RFX4: variants seen among roughly 807,000 people sequenced by gnomAD.
The protein encoded by RFX4 is transcription factor RFX4.
RFX4 carries 10 observed loss-of-function variants against 95.0 expected under a neutral mutation model. That is an observed-to-expected ratio of 0.11 (90% CI 0.06 to 0.18). The LOEUF is 0.18. Among genes scored for constraint, RFX4 ranks in the 10% least tolerant of loss-of-function variants. The probability of loss-of-function intolerance (pLI) is 1.00; values close to 1 mark genes in which losing one functional copy is unlikely to be tolerated. For synonymous variants in RFX4, 321 were observed against 340.7 expected (o/e 0.94, Z 0.64); for missense variants, 640 against 922.0 (o/e 0.69, Z 3.96).
intron 1 of RFX4, among the ~76,000 whole-genome samples, chr12:106,599,828 C>T (rs934813622): frequency 3.3e-5 from 5 of 152,050 alleles, no homozygotes; most frequent in Non-Finnish European, 7.4e-5. Flanking sequence ...CTGGTTTATG[C>T]ATGTGATCCT....
intron 4 of RFX4, among the ~76,000 whole-genome samples, chr12:106,664,188 G>A (rs932717660): frequency 6.6e-6 from 1 of 151,658 alleles, no homozygotes; most frequent in African/African-American, 2.4e-5. Context: ...ATCTGAACCT[G>A]GTGCTTTCTG....
intron 4 of RFX4, among the ~76,000 whole-genome samples, chr12:106,680,450 G>T (rs2041483527): frequency 6.6e-6 from 1 of 152,198 alleles, no homozygotes; most frequent in African/African-American, 2.4e-5. Context: ...AGGTTAAACA[G>T]TATGTCCCAG....
At chr12:106,617,803 T>G (rs1482048522) in intron 2 of RFX4, among the ~76,000 whole-genome samples, 2 of 152,350 alleles carry the variant, frequency 1.3e-5, no homozygotes, top group South Asian at 2.1e-4. Context: ...CTCAGCTCAC[T>G]GTAGCCTCTG....
intron 5 of RFX4, among the ~76,000 whole-genome samples, chr12:106,686,416 A>C (rs2041649323): frequency 6.6e-6 from 1 of 151,856 alleles, no homozygotes; most frequent in Non-Finnish European, 1.5e-5. Flanking sequence ...TGTCTCAAAA[A>C]AAAAAAAAAA....
At chr12:106,672,673 T>C (rs1379924663) in intron 4 of RFX4, among the ~76,000 whole-genome samples, 1 of 151,884 alleles carries the variant, frequency 6.6e-6, no homozygotes, top group Non-Finnish European at 1.5e-5. Context: ...TCGAACTAAA[T>C]TGTGCTGGGC....
chr12:106,750,643 G>A lies in RFX4; in HGVS notation c.1797-12G>A. The A allele has an allele frequency of 6.3e-7, 1 of 1,590,334 alleles. No homozygotes were observed. Among genetic ancestry groups the A allele is most frequent in the Non-Finnish European group, 8.6e-7 (1 of 1,169,170 alleles). On this transcript the variant is annotated splice_polypyrimidine_tract_variant and intron_variant, in intron 16 of 17. Transcript: ENST00000392842. ...ATTACTCACACTATTCAATGTGCTT[G>A]ATGCATTTTAGATACACGGGAAGCT...
chr12:106,583,244 C>T lies in RFX4; in HGVS notation c.-77C>T. The T allele has an allele frequency of 1.3e-6, 1 of 755,808 alleles. No homozygotes were observed. The highest frequency in any genetic ancestry group is 2.0e-6 in the Non-Finnish European group (1 of 497,058). 46.8% of individuals were successfully genotyped at this position (755,808 alleles called of 1,614,324 possible). A position where few individuals can be genotyped will look rare whatever the true frequency, so the allele number is the denominator to read the frequency against. ...CTTCTCCCTCCCTCCCTCCCTTCCT[C>T]CCTGGGCATCTCTAGCACAGGGGAT... On this transcript the variant is annotated 5_prime_UTR_variant, in exon 1 of 18. Coordinates refer to ENST00000392842, the MANE Select transcript of RFX4 (RefSeq NM_213594.3).
At chr12:106,673,210 A>G (rs4964480) in intron 4 of RFX4, among the ~76,000 whole-genome samples, 31,219 of 152,204 alleles carry the variant, frequency 0.21, 3,516 homozygotes, top group South Asian at 0.28. Flanking sequence ...GGGCTAGAAA[A>G]TAATGATAAC....
intron 17 of RFX4, among the ~76,000 whole-genome samples, chr12:106,760,629 G>A (rs1439766184): frequency 3.3e-5 from 5 of 152,254 alleles, no homozygotes; most frequent in East Asian, 1.9e-4. Flanking sequence ...AATAACCTTC[G>A]AAATTGTTGA....
At chr12:106,628,205 C>G (rs1371123974) in intron 2 of RFX4, among the ~76,000 whole-genome samples, 1 of 152,156 alleles carries the variant, frequency 6.6e-6, no homozygotes, top group Admixed American at 6.5e-5. Flanking sequence ...TTACCTTCCC[C>G]ACTCCTCTGG....
At chr12:106,731,031 A>G (rs2042602671) in intron 13 of RFX4, among the ~76,000 whole-genome samples, 1 of 152,114 alleles carries the variant, frequency 6.6e-6, no homozygotes, top group Non-Finnish European at 1.5e-5. Flanking sequence ...AGCAAACTAG[A>G]AGGAAATGGG....
intron 17 of RFX4, among the ~76,000 whole-genome samples, chr12:106,751,314 A>AT (rs1176485357): frequency 1.4e-5 from 2 of 141,226 alleles, no homozygotes; most frequent in Non-Finnish European, 1.5e-5. Context: ...TATGTGCCAC[A>AT]TTTTCTTAAT....
intron 6 of RFX4, among the ~76,000 whole-genome samples, chr12:106,687,824 C>A (rs1296668782): frequency 6.6e-6 from 1 of 152,112 alleles, no homozygotes; most frequent in Non-Finnish European, 1.5e-5. Flanking sequence ...TACCTACCTA[C>A]CTGTCCTATG....
At chr12:106,723,680 C>G (rs1394723814) in intron 13 of RFX4, among the ~76,000 whole-genome samples, 1 of 152,190 alleles carries the variant, frequency 6.6e-6, no homozygotes. Flanking sequence ...GAACAAGAGG[C>G]CATGACCAAG....
At chr12:106,619,018 G>A (rs1179317573) in intron 2 of RFX4, among the ~76,000 whole-genome samples, 1 of 152,110 alleles carries the variant, frequency 6.6e-6, no homozygotes, top group Non-Finnish European at 1.5e-5. Context: ...CAGTGAAAGA[G>A]CACCATCACA....
rs147798634 is a variant in RFX4 at position 106,752,280 on chromosome 12, C to T, written c.1935+1487C>T. On this transcript the variant is annotated intron_variant, in intron 17 of 17. Coordinates refer to ENST00000392842, the MANE Select transcript of RFX4 (RefSeq NM_213594.3). The stretch of plus-strand genomic sequence containing the variant: ...CGGCGTTATTTCTGAGGGCTCTGTT[C>T]TGTTCCATTGATCTATATCTCTGTT... Among the ~76,000 whole-genome samples the T allele has an allele frequency of 6.8e-3, 1,033 of 151,350 alleles. 16 individuals carry two copies. Among genetic ancestry groups the T allele is most frequent in the African/African-American group, 0.024 (989 of 41,196 alleles).
intron 17 of RFX4, 64 bp downstream of exon 17, chr12:106,750,857 A>G (rs1216874224): frequency 7.7e-6 from 11 of 1,435,884 alleles, no homozygotes; most frequent in Non-Finnish European, 1.0e-5. Flanking sequence ...TCTGGTTAAC[A>G]CAGTTCATAA....
At chr12:106,723,836 A>C (rs1199379231) in intron 13 of RFX4, among the ~76,000 whole-genome samples, 1 of 152,226 alleles carries the variant, frequency 6.6e-6, no homozygotes, top group Non-Finnish European at 1.5e-5. Context: ...CCCTGTAGTC[A>C]GGAGTGGAAG....
At chr12:106,734,452 C>CAG (rs2042672006) in intron 15 of RFX4, among the ~76,000 whole-genome samples, 1 of 151,708 alleles carries the variant, frequency 6.6e-6, no homozygotes, top group Non-Finnish European at 1.5e-5. Flanking sequence ...AAAAATTAGC[C>CAG]GGGCATGGTA....
Sources: gnomAD v4.1 joint callset for allele counts (sites outside exome capture counted in the v4.1 genomes callset) on GRCh38, gnomAD v4.1.1 for gene constraint, MANE v1.5 for transcripts, NCBI Gene and HGNC (gene_info 2026-07-23, HGNC 2026-07-21) for gene names.